CTNNA3: variants seen among roughly 807,000 people sequenced by gnomAD.
CTNNA3 encodes the protein catenin alpha 3.
Under a neutral mutation model 95.7 loss-of-function variants are expected in CTNNA3, and 76 were observed. The ratio of observed to expected loss-of-function variants is 0.79; its 90% confidence interval spans 0.66 to 0.96. The LOEUF is 0.96. Among genes scored for constraint, CTNNA3 ranks in the 40% least tolerant of loss-of-function variants. The pLI, the probability that CTNNA3 is intolerant of heterozygous loss-of-function variation, is 0.00. For missense variants in CTNNA3, 1,191 were observed against 1,089.8 expected (o/e 1.09, Z -1.31); for synonymous variants, 431 against 374.4 (o/e 1.15, Z -1.74).
intron 12 of CTNNA3, among the ~76,000 whole-genome samples, chr10:66,335,903 G>T (rs933355483): frequency 6.6e-6 from 1 of 152,118 alleles, no homozygotes; most frequent in African/African-American, 2.4e-5. Context: ...CAGCCGCTTT[G>T]TTTACCTACT....
In CTNNA3 at chr10:67,147,682, C is replaced by T. The variant is rs995164545; in HGVS notation, c.1047+32635G>A. Among the ~76,000 whole-genome samples, 4 of 152,146 alleles carry T rather than the reference C, an allele frequency of 2.6e-5. No homozygotes were observed. The East Asian group carries it at 7.7e-4, about 29-fold the overall frequency. On this transcript the variant is annotated intron_variant, in intron 7 of 17. Transcript: ENST00000433211. ...AATCAAAATAGTACATTTTACACTACAATTGTATTTGTCTTCTGTTGTTTT... is the reference window on the plus strand; with the variant it reads ...AATCAAAATAGTACATTTTACACTATAATTGTATTTGTCTTCTGTTGTTTT...
intron 5 of CTNNA3, among the ~76,000 whole-genome samples, chr10:67,340,679 C>T (rs1293579599): frequency 6.6e-6 from 1 of 152,168 alleles, no homozygotes; most frequent in Non-Finnish European, 1.5e-5. Context: ...TTCAGATTCA[C>T]CTGCTACTGC....
chr10:67,477,499 C>T (rs1444670000), intron 5 of CTNNA3, among the ~76,000 whole-genome samples: 2 of 152,126 alleles, frequency 1.3e-5, no homozygotes, highest in African/African-American at 2.4e-5. Flanking sequence ...GGTCAAACTG[C>T]ACAGCCCAAT....
In CTNNA3 at chr10:67,589,514, C is replaced by T. The variant is rs189063547; in HGVS notation, c.292+17343G>A. ...CTTCTTTCTCTCCTAACAACACCCA[C>T]TGTTATACTGACTAATCACTTCCTT... On this transcript the variant is annotated intron_variant, in intron 3 of 17. Coordinates refer to ENST00000433211, the MANE Select transcript of CTNNA3 (RefSeq NM_013266.4). Among the ~76,000 whole-genome samples the T allele has an allele frequency of 3.6e-4, 55 of 152,262 alleles. No individual in the cohort carries two copies. The East Asian group carries it at 9.6e-3, about 27-fold the overall frequency.
intron 17 of CTNNA3, among the ~76,000 whole-genome samples, chr10:65,964,155 ATAGAT>A (rs1368262075): frequency 1.3e-5 from 2 of 152,200 alleles, no homozygotes; most frequent in African/African-American, 4.8e-5. Context: ...TAGAAAAATG[ATAGAT>A]TAGATCTTCT....
chr10:66,006,135 C>T (rs896527189), intron 15 of CTNNA3, among the ~76,000 whole-genome samples: 1 of 151,524 alleles, frequency 6.6e-6, no homozygotes, highest in Non-Finnish European at 1.5e-5. Flanking sequence ...GCCTCAGCCT[C>T]CCAAGTAGCT....
chr10:67,329,704 C>A (rs772935766), intron 5 of CTNNA3, among the ~76,000 whole-genome samples: 3 of 152,136 alleles, frequency 2.0e-5, no homozygotes, highest in Non-Finnish European at 4.4e-5. Context: ...GCTTACTATG[C>A]ACAAATAGTG....
intron 8 of CTNNA3, among the ~76,000 whole-genome samples, chr10:66,775,149 T>C (rs1398969397): frequency 6.6e-6 from 1 of 152,156 alleles, no homozygotes; most frequent in African/African-American, 2.4e-5. Context: ...ATTGTATAGG[T>C]TCAAAGCAGC....
chr10:66,222,378 A>T (rs2088979962), intron 13 of CTNNA3, among the ~76,000 whole-genome samples: 1 of 152,152 alleles, frequency 6.6e-6, no homozygotes, highest in African/African-American at 2.4e-5. Context: ...ATAGCTACTT[A>T]CTATTAGCTT....
intron 7 of CTNNA3, among the ~76,000 whole-genome samples, chr10:66,890,603 G>T (rs1845230682): frequency 6.6e-6 from 1 of 152,072 alleles, no homozygotes; most frequent in Non-Finnish European, 1.5e-5. Context: ...AGTAAAAAGA[G>T]ATTGAAGTGG....
At chr10:67,735,891 AG>A (rs2133636128) in intron 1 of CTNNA3, among the ~76,000 whole-genome samples, 1 of 152,326 alleles carries the variant, frequency 6.6e-6, no homozygotes, top group African/African-American at 2.4e-5. Context: ...AATAGACAAA[AG>A]GTAGAAATAA....
rs368565674 is a variant in CTNNA3 at position 67,205,125 on chromosome 10, G to A, written c.843+14482C>T. ...ACAAAGGCAGTTTAGTTTGGGGGAA[G>A]GGTTATTAACATTTAAACTATAAAC... On this transcript the variant is annotated intron_variant, in intron 6 of 17. Coordinates refer to ENST00000433211, the MANE Select transcript of CTNNA3 (RefSeq NM_013266.4). 1.2e-4 allele frequency among the ~76,000 whole-genome samples: 19 copies of A among 152,216 alleles called. No homozygotes were observed. In the South Asian group the frequency reaches 3.7e-3, roughly 30 times the overall value.
intron 13 of CTNNA3, among the ~76,000 whole-genome samples, chr10:66,176,777 C>T (rs1182310663): frequency 1.3e-5 from 2 of 152,114 alleles, no homozygotes; most frequent in Admixed American, 6.6e-5. Flanking sequence ...TTGGACTTCC[C>T]AGCCTTCAGA....
intron 1 of CTNNA3, among the ~76,000 whole-genome samples, chr10:67,753,108 C>T (rs1841415779): frequency 6.6e-6 from 1 of 151,876 alleles, no homozygotes; most frequent in African/African-American, 2.4e-5. Context: ...AGCATGGAAC[C>T]GGTACCAAAA....
chr10:66,003,300 C>T (rs189988389), intron 15 of CTNNA3, among the ~76,000 whole-genome samples: 48 of 151,396 alleles, frequency 3.2e-4, no homozygotes, highest in Non-Finnish European at 5.3e-4. Flanking sequence ...ATTGCCATTG[C>T]TGCTGGTGGC....
chr10:67,008,148 G>A (rs2133023505), intron 7 of CTNNA3, among the ~76,000 whole-genome samples: 1 of 151,570 alleles, frequency 6.6e-6, no homozygotes, highest in South Asian at 2.1e-4. Context: ...AAAATGTATT[G>A]TGTAATAAAA....
intron 14 of CTNNA3, among the ~76,000 whole-genome samples, chr10:66,089,316 C>T (rs2081121370): frequency 6.6e-6 from 1 of 151,556 alleles, no homozygotes; most frequent in Non-Finnish European, 1.5e-5. Context: ...AGTCTTCCTG[C>T]CCCAACCCAA....
At chr10:66,684,888 A>G (rs1279685041) in intron 9 of CTNNA3, among the ~76,000 whole-genome samples, 1 of 140,850 alleles carries the variant, frequency 7.1e-6, no homozygotes, top group African/African-American at 2.8e-5. Context: ...GTAATTATGT[A>G]GGAATAAACG....
intron 13 of CTNNA3, among the ~76,000 whole-genome samples, chr10:66,279,303 C>A (rs1327617234): frequency 6.6e-6 from 1 of 150,464 alleles, no homozygotes; most frequent in Non-Finnish European, 1.5e-5. Flanking sequence ...ATATTCTCAG[C>A]ACTTCTATAT....
Sources: gnomAD v4.1 joint callset for allele counts (sites outside exome capture counted in the v4.1 genomes callset) on GRCh38, gnomAD v4.1.1 for gene constraint, MANE v1.5 for transcripts, NCBI Gene and HGNC (gene_info 2026-07-23, HGNC 2026-07-21) for gene names.